Variants in SLC35D4 observed in about 807,000 individuals in gnomAD.
SLC35D4 encodes UDP-N-acetylglucosamine transporter SLC35D4.
chr18:23,433,676 T>C, the SLC35D4 span, among the ~76,000 whole-genome samples: 1 of 152,212 alleles, frequency 6.6e-6, no homozygotes, highest in African/African-American at 2.4e-5. Flanking sequence ...TTCAAACTTC[T>C]AACAAATATC....
At chr18:23,402,219 T>C in the SLC35D4 span, among the ~76,000 whole-genome samples, 1 of 152,010 alleles carries the variant, frequency 6.6e-6, no homozygotes, top group Non-Finnish European at 1.5e-5. Context: ...ACTGGAAAAA[T>C]GGCTGACAAA....
At chr18:23,326,083 A>G in the SLC35D4 span, among the ~76,000 whole-genome samples, 3 of 152,298 alleles carry the variant, frequency 2.0e-5, no homozygotes, top group Admixed American at 6.5e-5. Flanking sequence ...ATGCTGGGGG[A>G]CCAGCAATAT....
the SLC35D4 span, among the ~76,000 whole-genome samples, chr18:23,255,711 C>T: frequency 6.6e-6 from 1 of 151,914 alleles, no homozygotes; most frequent in Non-Finnish European, 1.5e-5. Context: ...AGGCATGTAC[C>T]ACTGCGCCTG....
At chr18:23,274,063 G>C in the SLC35D4 span, among the ~76,000 whole-genome samples, 1 of 152,054 alleles carries the variant, frequency 6.6e-6, no homozygotes, top group Non-Finnish European at 1.5e-5. Context: ...CTCCCGAGTA[G>C]CTGGGACTAC....
chr18:23,381,299 A>T, the SLC35D4 span, among the ~76,000 whole-genome samples: 2 of 152,280 alleles, frequency 1.3e-5, no homozygotes, highest in South Asian at 4.1e-4. Context: ...ATGGGAAAAA[A>T]GTCTGAAAGA....
the SLC35D4 span, among the ~76,000 whole-genome samples, chr18:23,268,526 G>A: frequency 6.6e-6 from 1 of 152,114 alleles, no homozygotes; most frequent in Non-Finnish European, 1.5e-5. Flanking sequence ...CCCAGGTGAT[G>A]TTTCTCCAGT....
the SLC35D4 span, among the ~76,000 whole-genome samples, chr18:23,351,435 A>AAAAC: frequency 8.1e-3 from 7 of 868 alleles, no homozygotes; most frequent in Non-Finnish European, 0.11. Flanking sequence ...AACAAAAACA[A>AAAAC]AAACAAAAAA....
At chr18:23,370,109 G>C in the SLC35D4 span, 1 of 897,008 alleles carries the variant, frequency 1.1e-6, no homozygotes, top group Non-Finnish European at 1.6e-6. Context: ...AACCCGGGGG[G>C]TGGAGGGTGC....
At chr18:23,272,106 T>C in the SLC35D4 span, among the ~76,000 whole-genome samples, 1 of 152,336 alleles carries the variant, frequency 6.6e-6, no homozygotes, top group South Asian at 2.1e-4. Context: ...AGCAAGTTGA[T>C]TGGAAGTAGT....
At chr18:23,255,859 C>A in the SLC35D4 span, among the ~76,000 whole-genome samples, 1 of 152,040 alleles carries the variant, frequency 6.6e-6, no homozygotes, top group Non-Finnish European at 1.5e-5. Flanking sequence ...CCATACCCGG[C>A]CAAGAATTAA....
chr18:23,264,551 C>T, the SLC35D4 span, among the ~76,000 whole-genome samples: 1 of 151,942 alleles, frequency 6.6e-6, no homozygotes, highest in Non-Finnish European at 1.5e-5. Flanking sequence ...TTAGTAGAGA[C>T]AGGGTTTCAC....
chr18:23,334,326 C>T, the SLC35D4 span, among the ~76,000 whole-genome samples: 2 of 152,158 alleles, frequency 1.3e-5, no homozygotes, highest in East Asian at 3.9e-4. Flanking sequence ...CAGCAATCCC[C>T]ACCCCACACC....
the SLC35D4 span, among the ~76,000 whole-genome samples, chr18:23,411,931 A>G: frequency 6.6e-6 from 1 of 152,234 alleles, no homozygotes; most frequent in Non-Finnish European, 1.5e-5. Flanking sequence ...TTAGCTCTTC[A>G]TGGGTGCTGA....
chr18:23,298,263 G>C, the SLC35D4 span, among the ~76,000 whole-genome samples: 1 of 152,216 alleles, frequency 6.6e-6, no homozygotes, highest in African/African-American at 2.4e-5. Flanking sequence ...ACACATGGGA[G>C]GTGAGAAGGC....
At chr18:23,426,076 A>G in the SLC35D4 span, among the ~76,000 whole-genome samples, 3 of 152,244 alleles carry the variant, frequency 2.0e-5, no homozygotes, top group East Asian at 5.8e-4. Flanking sequence ...CTCACATTGC[A>G]CCATACACTA....
chr18:23,414,448 G>C, the SLC35D4 span, among the ~76,000 whole-genome samples: 1 of 149,650 alleles, frequency 6.7e-6, no homozygotes, highest in Non-Finnish European at 1.5e-5. Context: ...CTAGGCGGGT[G>C]GATCACCTGA....
At chr18:23,425,636 T>C in the SLC35D4 span, among the ~76,000 whole-genome samples, 3 of 152,214 alleles carry the variant, frequency 2.0e-5, no homozygotes, top group African/African-American at 7.2e-5. Context: ...GAGAGTATTG[T>C]AGGGCATATC....
the SLC35D4 span, among the ~76,000 whole-genome samples, chr18:23,386,916 T>G: frequency 1.3e-5 from 2 of 152,110 alleles, no homozygotes; most frequent in African/African-American, 4.8e-5. Flanking sequence ...TTGTTTTTCA[T>G]TTTTGTTTTT....
At chr18:23,316,387 A>G in the SLC35D4 span, among the ~76,000 whole-genome samples, 1 of 152,226 alleles carries the variant, frequency 6.6e-6, no homozygotes, top group Non-Finnish European at 1.5e-5. Flanking sequence ...CCTAGAACCC[A>G]TAGAACTATT....
Sources: allele counts gnomAD v4.1 joint callset (sites outside exome capture counted in the v4.1 genomes callset), GRCh38; gene constraint gnomAD v4.1.1; transcripts MANE v1.5; gene names NCBI Gene and HGNC (gene_info 2026-07-23, HGNC 2026-07-21).